Variants in FBXL20 observed in about 807,000 individuals in gnomAD.
FBXL20 encodes the protein F-box and leucine rich repeat protein 20, also known as F-box/LRR-repeat protein 20.
A neutral mutation model predicts 64.0 loss-of-function variants in FBXL20; 11 were observed. That is an observed-to-expected ratio of 0.17 (90% CI 0.11 to 0.28). FBXL20 has a LOEUF of 0.28. Ranked by LOEUF, FBXL20 falls within the 10% of genes least tolerant of loss-of-function variation. The probability of loss-of-function intolerance (pLI) is 1.00; values close to 1 mark genes in which losing one functional copy is unlikely to be tolerated. For missense variants in FBXL20, 303 were observed against 526.2 expected, an observed-to-expected ratio of 0.58 and a Z score of 4.15; for synonymous variants, 184 against 189.0, an observed-to-expected ratio of 0.97 and a Z score of 0.22.
chr17:39,312,607 T>G, intron 2 of FBXL20, among the ~76,000 whole-genome samples: 1 of 112,678 alleles, frequency 8.9e-6, no homozygotes, highest in South Asian at 4.0e-4. Flanking sequence ...GGAGTCTCAC[T>G]CTGTCCCCTG....
At chr17:39,270,950 C>T (rs2046838396) in intron 10 of FBXL20, 94 bp from the exon 11 acceptor site, 1 of 992,424 alleles carries the variant, frequency 1.0e-6, no homozygotes. Context: ...AAACAATCTT[C>T]TATTCTCTAA....
chr17:39,316,294 TACAC>T (rs34083114), intron 2 of FBXL20, among the ~76,000 whole-genome samples: 54 of 150,220 alleles, frequency 3.6e-4, no homozygotes, highest in South Asian at 1.5e-3. Flanking sequence ...CATCTACATA[TACAC>T]ACACACACAC....
At chr17:39,273,039 TTTTGTTTG>T (rs779754052) in intron 10 of FBXL20, among the ~76,000 whole-genome samples, 1 of 152,150 alleles carries the variant, frequency 6.6e-6, no homozygotes, top group African/African-American at 2.4e-5. Flanking sequence ...CAAAAGGTTT[TTTTGTTTG>T]TTTGTTTTTT....
chr17:39,388,199 G>A (rs1284503926), intron 1 of FBXL20, among the ~76,000 whole-genome samples: 1 of 152,094 alleles, frequency 6.6e-6, no homozygotes, highest in Non-Finnish European at 1.5e-5. Flanking sequence ...GCTCACACGT[G>A]TAATCCCAGC....
rs1183682957 is a variant in FBXL20, at chr17:39,253,170, T to G, written c.*8290A>C. 2 of 152,594 alleles carry G rather than the reference T, an allele frequency of 1.3e-5. No homozygotes were observed. Among genetic ancestry groups the G allele is most frequent in the Non-Finnish European group, 2.9e-5 (2 of 68,300 alleles). 9.5% of individuals were successfully genotyped at this position (152,594 alleles called of 1,614,324 possible). A position where few individuals can be genotyped will look rare whatever the true frequency, so the allele number is the denominator to read the frequency against. The stretch of plus-strand genomic sequence containing the variant: ...ACAGAGCCTGGTATGAAGATAAAAA[T>G]GTCTCCAACAGCACCATTTACCCAT... On this transcript the variant is annotated 3_prime_UTR_variant, in exon 15 of 15. Transcript: ENST00000264658.
chr17:39,367,319 CTT>C (rs572558102), intron 1 of FBXL20, among the ~76,000 whole-genome samples: 19 of 138,718 alleles, frequency 1.4e-4, no homozygotes, highest in Admixed American at 1.5e-4. Flanking sequence ...TTTTTCTTTT[CTT>C]TTTTTTTTTT....
chr17:39,292,982 G>C (rs1240826725), intron 6 of FBXL20, among the ~76,000 whole-genome samples: 1 of 151,782 alleles, frequency 6.6e-6, no homozygotes, highest in African/African-American at 2.4e-5. Flanking sequence ...TAGTAGAGAC[G>C]GGGTTTCACC....
At chr17:39,298,458 C>T (rs575004235) in intron 5 of FBXL20, among the ~76,000 whole-genome samples, 1 of 152,246 alleles carries the variant, frequency 6.6e-6, no homozygotes, top group Non-Finnish European at 1.5e-5. Flanking sequence ...GTGGCTCATG[C>T]CCGTAATTCC....
chr17:39,289,703 A>AT (rs1460963185), intron 6 of FBXL20, among the ~76,000 whole-genome samples: 1 of 150,622 alleles, frequency 6.6e-6, no homozygotes, highest in Non-Finnish European at 1.5e-5. Context: ...TTCTAAATCT[A>AT]TATGTATGAG....
intron 7 of FBXL20, among the ~76,000 whole-genome samples, chr17:39,285,138 T>A (rs1454417386): frequency 6.6e-6 from 1 of 152,042 alleles, no homozygotes; most frequent in Non-Finnish European, 1.5e-5. Flanking sequence ...CCTCTTGACC[T>A]CGTGATCTGC....
chr17:39,314,002 A>G (rs1313489518), intron 2 of FBXL20, among the ~76,000 whole-genome samples: 2 of 152,166 alleles, frequency 1.3e-5, no homozygotes, highest in African/African-American at 4.8e-5. Context: ...GTATATTCAC[A>G]GTGTTGTGCA....
intron 1 of FBXL20, among the ~76,000 whole-genome samples, chr17:39,352,693 A>AG (rs1390975122): frequency 1.3e-5 from 2 of 151,654 alleles, no homozygotes; most frequent in East Asian, 1.9e-4. Flanking sequence ...AAAAAAAAAA[A>AG]AAAAGAAAAG....
chr17:39,362,695 T>A (rs2047810028), intron 1 of FBXL20, among the ~76,000 whole-genome samples: 1 of 147,348 alleles, frequency 6.8e-6, no homozygotes, highest in Non-Finnish European at 1.5e-5. Flanking sequence ...CTCGGCTCAC[T>A]GCAACCTTCA....
intron 1 of FBXL20, among the ~76,000 whole-genome samples, chr17:39,378,614 AT>A (rs563530990): frequency 8.0e-4 from 116 of 144,754 alleles, no homozygotes; most frequent in Admixed American, 6.9e-4. Context: ...AATGGCTATA[AT>A]TTTTTTTTTT....
chr17:39,345,607 C>T (rs1458759596), intron 1 of FBXL20, among the ~76,000 whole-genome samples: 1 of 152,012 alleles, frequency 6.6e-6, no homozygotes, highest in Non-Finnish European at 1.5e-5. Context: ...ATAGCACAAT[C>T]TCAGATCACT....
At chr17:39,374,246 A>C in intron 1 of FBXL20, among the ~76,000 whole-genome samples, 1 of 149,648 alleles carries the variant, frequency 6.7e-6, no homozygotes. Context: ...GAAAAAAAAA[A>C]GACCAGTCGG....
At chr17:39,350,931 C>CCT (rs1409733922) in intron 1 of FBXL20, among the ~76,000 whole-genome samples, 1 of 151,744 alleles carries the variant, frequency 6.6e-6, no homozygotes, top group Non-Finnish European at 1.5e-5. Context: ...ACTGATGTAC[C>CCT]CTAAAGTTTA....
rs1475289283 is a variant in FBXL20 at position 39,257,761 on chromosome 17, C to T, written c.*3699G>A. The stretch of plus-strand genomic sequence containing the variant: ...GTAGGAGAAGGATTCAAAAAGGAAG[C>T]TAGACTTGAGACATCTGAGAGTAAA... On this transcript the variant is annotated 3_prime_UTR_variant, in exon 15 of 15. Transcript: ENST00000264658. 2.0e-5 allele frequency: 3 copies of T among 152,344 alleles called. No individual in the cohort carries two copies. 9.4% of individuals were successfully genotyped at this position (152,344 alleles called of 1,614,324 possible).
chr17:39,342,877 G>T (rs957281462), intron 2 of FBXL20, among the ~76,000 whole-genome samples: 17 of 152,082 alleles, frequency 1.1e-4, no homozygotes, highest in African/African-American at 4.1e-4. Flanking sequence ...GCAAGACCCT[G>T]TCTCAAAACC....
Sources: gnomAD v4.1 joint callset for allele counts (sites outside exome capture counted in the v4.1 genomes callset) on GRCh38, gnomAD v4.1.1 for gene constraint, MANE v1.5 for transcripts, NCBI Gene and HGNC (gene_info 2026-07-23, HGNC 2026-07-21) for gene names.